The following C10orf88 variants were observed in gnomAD, a reference collection of about 807,000 sequenced individuals.
C10orf88 encodes chromosome 10 open reading frame 88, also known as ATPase PAAT.
Under a neutral mutation model 34.2 loss-of-function variants are expected in C10orf88, and 29 were observed. That is an observed-to-expected ratio of 0.85 (90% confidence interval 0.63 to 1.16). The LOEUF is 1.16. Ranked by LOEUF, C10orf88 falls within the 50% of genes most tolerant of loss-of-function variation. The probability of loss-of-function intolerance (pLI) is 0.00; values close to 1 mark genes in which losing one functional copy is unlikely to be tolerated. For missense variants in C10orf88, 507 were observed against 533.2 expected, an observed-to-expected ratio of 0.95 and a Z score of 0.48; for synonymous variants, 194 against 197.4, an observed-to-expected ratio of 0.98 and a Z score of 0.15.
intron 3 of C10orf88, among the ~76,000 whole-genome samples, chr10:122,950,301 G>A (rs868192052): frequency 6.6e-6 from 1 of 152,190 alleles, no homozygotes; most frequent in Non-Finnish European, 1.5e-5. Flanking sequence ...ACCTGTATAA[G>A]TAACCATTTT....
chr10:122,940,866 A>G (rs1848574912), intron 4 of C10orf88, among the ~76,000 whole-genome samples: 1 of 152,064 alleles, frequency 6.6e-6, no homozygotes, highest in African/African-American at 2.4e-5. Context: ...CCTGAGCAAC[A>G]TATGCAGTAT....
intron 4 of C10orf88, among the ~76,000 whole-genome samples, chr10:122,943,509 C>G (rs1848605855): frequency 6.6e-6 from 1 of 151,204 alleles, no homozygotes; most frequent in African/African-American, 2.4e-5. Flanking sequence ...GCAACAAAAG[C>G]CAAAATTGAC....
intron 4 of C10orf88, among the ~76,000 whole-genome samples, chr10:122,948,271 T>A (rs796789933): frequency 1.8e-4 from 28 of 152,274 alleles, no homozygotes; most frequent in African/African-American, 6.5e-4. Context: ...AAGGCCTAGA[T>A]AAAATACCAC....
At chr10:122,938,193 A>G (rs374582513) in intron 4 of C10orf88, 34 bp from the exon 5 acceptor site, 13 of 1,494,592 alleles carry the variant, frequency 8.7e-6, no homozygotes, top group Middle Eastern at 1.8e-4. Flanking sequence ...GTTAATATTA[A>G]TAACACTGAC....
At chr10:122,952,705 A>C (rs1424162112) in intron 2 of C10orf88, 124 bp downstream of exon 2, 3 of 1,179,972 alleles carry the variant, frequency 2.5e-6, no homozygotes, top group Non-Finnish European at 3.6e-6. Context: ...GCCTACTGGC[A>C]CATTTTTATC....
chr10:122,951,828 T>C (rs1406608867), intron 3 of C10orf88, 126 bp downstream of exon 3: 2 of 637,112 alleles, frequency 3.1e-6, no homozygotes, highest in Non-Finnish European at 5.5e-6. Flanking sequence ...AGATACTGTC[T>C]TGAAAAGAAA....
Position 122,932,621 on chromosome 10 carries a change from G to A in C10orf88, c.1144C>T (p.Leu382Phe), listed in dbSNP as rs570222008. The change falls in exon 6 of 6, where the codon CTT (leucine) becomes TTT (phenylalanine). Residue 382 changes from leucine to phenylalanine, a missense_variant. Leu to Phe is a conservative substitution (Grantham distance 22). Coordinates refer to ENST00000481909, the MANE Select transcript of C10orf88 (RefSeq NM_024942.4). ...QSICSYLEKILSKNMELMEKK... is the reference protein window; with the variant it reads ...QSICSYLEKIFSKNMELMEKK... The stretch of plus-strand genomic sequence containing the variant: ...TCCATCAGTTCCATATTTTTAGAAA[G>A]AATCTTTTCCAAGTAGGAGCAAATA... 1 of 1,612,778 alleles carries A rather than the reference G, an allele frequency of 6.2e-7. No homozygotes were observed. Among genetic ancestry groups the A allele is most frequent in the Admixed American group, 1.7e-5 (1 of 59,912 alleles).
chr10:122,937,077 T>G (rs1848540143), intron 5 of C10orf88, among the ~76,000 whole-genome samples: 1 of 152,150 alleles, frequency 6.6e-6, no homozygotes, highest in African/African-American at 2.4e-5. Flanking sequence ...CTAAACAGTG[T>G]GGCAACATGT....
In C10orf88 at chr10:122,951,974, T is replaced by G; in HGVS notation, c.421A>C (p.Thr141Pro). ...CTTACCTTTATTTTACAAGCATGTG[T>G]GGAGGACTCCAATTTTAGATTTTTT... Reference protein sequence around the residue: ...YKKNLKLESSTHACKIKLLSF... With the variant: ...YKKNLKLESSPHACKIKLLSF... Residue 141 changes from threonine to proline, a missense_variant, in exon 3 of 6, where the codon ACA becomes CCA. By Grantham distance (38) the Thr-to-Pro change is conservative (BLOSUM62 -1). Transcript: ENST00000481909. 6.5e-7 allele frequency: 1 copy of G among 1,547,494 alleles called. No individual in the cohort carries two copies. Among genetic ancestry groups the G allele is most frequent in the Non-Finnish European group, 8.9e-7 (1 of 1,128,026 alleles).
At chr10:122,945,107 T>TA (rs1848627621) in intron 4 of C10orf88, among the ~76,000 whole-genome samples, 1 of 151,652 alleles carries the variant, frequency 6.6e-6, no homozygotes, top group Non-Finnish European at 1.5e-5. Context: ...TATAGATAGA[T>TA]ATATGTATGT....
intron 4 of C10orf88, among the ~76,000 whole-genome samples, chr10:122,939,229 T>C (rs1208270711): frequency 6.7e-6 from 1 of 150,014 alleles, no homozygotes; most frequent in East Asian, 2.0e-4. Context: ...ATCCCTGACC[T>C]CACAGAGCCT....
intron 3 of C10orf88, among the ~76,000 whole-genome samples, chr10:122,950,794 G>A (rs1466102120): frequency 6.6e-6 from 1 of 152,190 alleles, no homozygotes; most frequent in Non-Finnish European, 1.5e-5. Flanking sequence ...TTTGTTGAAT[G>A]AAGAAATTAC....
rs1052422430 is a variant in C10orf88, at chr10:122,931,098, A to G, written c.*1329T>C. 6.6e-5 allele frequency: 10 copies of G among 152,196 alleles called. No individual in the cohort carries two copies. The highest frequency in any genetic ancestry group is 2.4e-4 in the African/African-American group (10 of 41,454). The allele number at this position is 152,196 out of a possible 1,614,324, so 9.4% of individuals were successfully genotyped here. The stretch of plus-strand genomic sequence containing the variant: ...AATGGGCAGTGAACTTCCTAAAACC[A>G]GAGTGCTGCCTTCCTTTTTGTCCTT... On this transcript the variant is annotated 3_prime_UTR_variant, in exon 6 of 6. Coordinates refer to ENST00000481909, the MANE Select transcript of C10orf88 (RefSeq NM_024942.4).
At chr10:122,934,687 T>C (rs1452138450) in intron 5 of C10orf88, among the ~76,000 whole-genome samples, 1 of 152,170 alleles carries the variant, frequency 6.6e-6, no homozygotes, top group South Asian at 2.1e-4. Flanking sequence ...GGAGTATAAT[T>C]GCTGGGTTGT....
chr10:122,943,528 T>C (rs1163541321), intron 4 of C10orf88, among the ~76,000 whole-genome samples: 1 of 151,700 alleles, frequency 6.6e-6, no homozygotes, highest in Non-Finnish European at 1.5e-5. Flanking sequence ...ACAAATGGGA[T>C]CTAATTAAAC....
intron 5 of C10orf88, among the ~76,000 whole-genome samples, chr10:122,936,011 C>T (rs560471827): frequency 9.2e-5 from 14 of 151,856 alleles, no homozygotes; most frequent in African/African-American, 3.4e-4. Flanking sequence ...CCCTCCTCTT[C>T]TAGTTTTTAA....
intron 4 of C10orf88, among the ~76,000 whole-genome samples, chr10:122,939,075 ATATACT>A (rs1190738581): frequency 5.3e-5 from 8 of 152,192 alleles, no homozygotes; most frequent in African/African-American, 7.2e-5. Context: ...AACTCAGTTC[ATATACT>A]TATAGATATT....
chr10:122,940,012 T>A (rs906174863), intron 4 of C10orf88, among the ~76,000 whole-genome samples: 1 of 151,908 alleles, frequency 6.6e-6, no homozygotes, highest in Non-Finnish European at 1.5e-5. Context: ...AAATTAAAAA[T>A]AGAACTACCA....
At position 122,932,231 on chromosome 10, in the gene C10orf88, CTG is replaced by C. The variant is rs199959838; in HGVS notation, c.*194_*195del. On this transcript the variant is annotated 3_prime_UTR_variant, in exon 6 of 6. Transcript: ENST00000481909. Reference sequence around the variant, plus strand: ...AATATCGTGAGCAAAAATAATTTGACTGTATCATATTAACTCAGTGTACAGTA... The same window carrying C: ...AATATCGTGAGCAAAAATAATTTGACTATCATATTAACTCAGTGTACAGTA... 3.8e-3 allele frequency: 1,677 copies of C among 438,416 alleles called. 28 individuals carry two copies. Among genetic ancestry groups the C allele is most frequent in the African/African-American group, 0.03 (1,499 of 50,676 alleles). The allele number at this position is 438,416 out of a possible 1,614,324, so 27.2% of individuals were successfully genotyped here.
Sources: gnomAD v4.1 joint callset for allele counts (sites outside exome capture counted in the v4.1 genomes callset) on GRCh38, gnomAD v4.1.1 for gene constraint, MANE v1.5 for transcripts, NCBI Gene and HGNC (gene_info 2026-07-23, HGNC 2026-07-21) for gene names.